WNK2: variants seen among roughly 807,000 people sequenced by gnomAD.
WNK2 encodes serine/threonine-protein kinase WNK2.
WNK2 carries 67 observed loss-of-function variants against 192.1 expected under a neutral mutation model. The observed-to-expected ratio is 0.35, with a 90% confidence interval of 0.29 to 0.43. WNK2 has a LOEUF of 0.43. Ranked by LOEUF, WNK2 falls within the 20% of genes least tolerant of loss-of-function variation. WNK2 has a pLI of 1.00. For synonymous variants in WNK2, 1,439 were observed against 1,393.9 expected, an observed-to-expected ratio of 1.03 and a Z score of -0.72; for missense variants, 2,698 against 3,089.7, an observed-to-expected ratio of 0.87 and a Z score of 3.01.
intron 18 of WNK2, 111 bp from the exon 19 acceptor site, chr9:93,268,516 G>A (rs1845523247): frequency 1.7e-5 from 26 of 1,491,918 alleles, no homozygotes; most frequent in Non-Finnish European, 2.3e-5. Context: ...TCCCATAGGT[G>A]TAAAGGAGTT....
At position 93,252,858 on chromosome 9, in the gene WNK2, T is replaced by C. The variant is rs1244239606; in HGVS notation, c.1835-25T>C. 17 of 1,394,780 alleles carry C rather than the reference T, an allele frequency of 1.2e-5. No homozygotes were observed. In the Admixed American group the frequency reaches 2.3e-4, roughly 19 times the overall value. 86.4% of individuals were successfully genotyped at this position (1,394,780 alleles called of 1,614,324 possible). On this transcript the variant is annotated intron_variant, in intron 8 of 29. Transcript: ENST00000427277. Reference sequence around the variant, plus strand: ...ATGTGACATTTGGAGATGTCCACTCTAAGTCCTGCTTTTGTCCTCCCCAGC... The same window carrying C: ...ATGTGACATTTGGAGATGTCCACTCCAAGTCCTGCTTTTGTCCTCCCCAGC...
Position 93,227,040 on chromosome 9 carries a change from G to T in WNK2, c.682-2656G>T, listed in dbSNP as rs150838879. ...TGCCAAGCCCTCCTCTGAGGGCTGC[G>T]CCACCTGAACTCCTGGTAGCAGTGT... On this transcript the variant is annotated intron_variant, in intron 2 of 29. Coordinates refer to ENST00000427277, the MANE Select transcript of WNK2 (RefSeq NM_006648.4). Among the ~76,000 whole-genome samples the T allele has an allele frequency of 2.6e-5, 4 of 152,046 alleles. No homozygotes were observed. In the East Asian group the frequency reaches 7.7e-4, roughly 29 times the overall value.
At chr9:93,248,376 G>A (rs1368542855) in intron 8 of WNK2, among the ~76,000 whole-genome samples, 1 of 152,242 alleles carries the variant, frequency 6.6e-6, no homozygotes. Flanking sequence ...CAAATGGGCC[G>A]TGAGCCAGCA....
At chr9:93,273,941 A>G (rs1846363533) in intron 19 of WNK2, among the ~76,000 whole-genome samples, 1 of 152,222 alleles carries the variant, frequency 6.6e-6, no homozygotes, top group Admixed American at 6.5e-5. Context: ...TGTGGGATGT[A>G]GTTAAAGCAG....
Position 93,268,600 on chromosome 9 carries a change from G to A in WNK2, c.3914-27G>A, listed in dbSNP as rs111788832. ...GCCTGGAAAGGCGCTCACTCACTCA[G>A]CGTGCTGTTTCTGTTCTGCCCTTCA... is the stretch of plus-strand genomic sequence containing the variant. On this transcript the variant is annotated intron_variant, in intron 18 of 29. Transcript: ENST00000427277. 1,766 of 1,597,296 alleles carry A rather than the reference G, an allele frequency of 1.1e-3. 3 individuals are homozygous for A. The highest frequency in any genetic ancestry group is 9.5e-4 in the Non-Finnish European group (1,114 of 1,172,544).
In WNK2 at chr9:93,247,401, C is replaced by G. The variant is rs1001116493; in HGVS notation, c.1543-142C>G. 2 of 1,032,338 alleles carry G rather than the reference C, an allele frequency of 1.9e-6. No individual in the cohort carries two copies. The highest frequency in any genetic ancestry group is 2.6e-5 in the East Asian group (1 of 38,094). 63.9% of individuals were successfully genotyped at this position (1,032,338 alleles called of 1,614,324 possible). On this transcript the variant is annotated intron_variant, in intron 7 of 29. Coordinates refer to ENST00000427277, the MANE Select transcript of WNK2 (RefSeq NM_006648.4). The surrounding 1 kb of genome is among the most constrained non-coding windows in gnomAD (Gnocchi z 5.2). The stretch of plus-strand genomic sequence containing the variant: ...TGCCATGCCATCTCTGAGCTGTCCC[C>G]GCGGATTTTACATTCAGTGGCAGTG...
At chr9:93,301,057 C>T (rs761568145) in intron 26 of WNK2, among the ~76,000 whole-genome samples, 2 of 152,346 alleles carry the variant, frequency 1.3e-5, no homozygotes, top group South Asian at 4.1e-4. Context: ...CCAGTCCCAG[C>T]CTTGCTCAGA....
At position 93,292,917 on chromosome 9, in the gene WNK2, C is replaced by A. The variant is rs746119270; in HGVS notation, c.5452C>A (p.Pro1818Thr). The A allele has an allele frequency of 6.6e-7, 1 of 1,525,176 alleles. No individual in the cohort carries two copies. The highest frequency in any genetic ancestry group is 8.8e-7 in the Non-Finnish European group (1 of 1,137,070). 94.5% of individuals were successfully genotyped at this position (1,525,176 alleles called of 1,614,324 possible). Residue 1818 changes from proline to threonine, a missense_variant, in exon 23 of 30, where the codon CCC becomes ACC. Pro to Thr is a conservative substitution (Grantham distance 38). This residue lies in a region of WNK2 where 1,098 missense variants were observed against 1,101.0 expected (regional missense o/e 1.00). Coordinates refer to ENST00000427277, the MANE Select transcript of WNK2 (RefSeq NM_006648.4). ...TGGGGACGAGGGCCCTCGGGCGAGA[C>A]CCCCGGTGCAGAAGCAGGCGTCCCT... ...DSGDEGPRAR[P>T]PVQKQASLPV...
intron 12 of WNK2, 41 bp from the exon 13 acceptor site, chr9:93,261,770 GGCA>G (rs1489042970): frequency 1.9e-6 from 3 of 1,549,446 alleles, no homozygotes; most frequent in Admixed American, 1.7e-5. Flanking sequence ...CCTCAGTGAA[GGCA>G]GCGCCGGCCC....
chr9:93,232,902 G>A (rs1284334632), intron 4 of WNK2, among the ~76,000 whole-genome samples: 8 of 117,226 alleles, frequency 6.8e-5, no homozygotes, highest in Non-Finnish European at 1.1e-4. Context: ...TGAAGCAGGA[G>A]AATTGCTTAA....
chr9:93,231,270 C>T (rs868657311), intron 4 of WNK2, among the ~76,000 whole-genome samples, 162 bp downstream of exon 4: 12 of 152,220 alleles, frequency 7.9e-5, no homozygotes, highest in African/African-American at 2.4e-4. Flanking sequence ...GCTACCCCAC[C>T]AAGCCTTTTG....
chr9:93,292,845 GCCT>G lies in WNK2; in HGVS notation c.5386_5388del (p.Ser1796del), dbSNP rs1420654150. 1.3e-6 allele frequency: 2 copies of G among 1,497,504 alleles called. No homozygotes were observed. Among genetic ancestry groups the G allele is most frequent in the South Asian group, 2.6e-5 (2 of 76,918 alleles). The allele number at this position is 1,497,504 out of a possible 1,614,324, so 92.8% of individuals were successfully genotyped here. On this transcript the variant is annotated inframe_deletion, in exon 23 of 30. Coordinates refer to ENST00000427277, the MANE Select transcript of WNK2 (RefSeq NM_006648.4). Reference sequence around the variant, plus strand: ...GCTGGCAGTGCGGCGGGCGCAGACGGCCTCCTCCATCGAGGTCGGCGTGGGCGA... The same window carrying G: ...GCTGGCAGTGCGGCGGGCGCAGACGGCCTCCATCGAGGTCGGCGTGGGCGA...
chr9:93,246,791 C>T (rs1010757849), intron 7 of WNK2, among the ~76,000 whole-genome samples: 8 of 152,216 alleles, frequency 5.3e-5, no homozygotes, highest in Non-Finnish European at 1.2e-4. Flanking sequence ...GACTGAGGTG[C>T]TCAGGAAGGG....
chr9:93,231,452 G>T (rs1356730958), intron 4 of WNK2, among the ~76,000 whole-genome samples: 3 of 152,342 alleles, frequency 2.0e-5, no homozygotes, highest in African/African-American at 7.2e-5. Flanking sequence ...TGATTGTCTA[G>T]CAGGGGAGGT....
In WNK2 at chr9:93,289,368, G is replaced by A. The variant is rs531755309; in HGVS notation, c.4614G>A (p.Pro1538=). The A allele has an allele frequency of 8.7e-6, 14 of 1,611,644 alleles. No homozygotes were observed. Among genetic ancestry groups the A allele is most frequent in the East Asian group, 2.2e-5 (1 of 44,834 alleles). The change falls in exon 20 of 30, where the codon CCG becomes CCA. Residue 1538 remains proline, a synonymous_variant. Transcript: ENST00000427277. ...PSALESDGEG[P]PPRVGFVDST... is the part of the protein sequence containing the mutation. ...CCCTGGAGTCGGATGGGGAAGGGCCGCCCCCCAGGGTGGGCTTTGTGGACA... is the reference window on the plus strand; with the variant it reads ...CCCTGGAGTCGGATGGGGAAGGGCCACCCCCCAGGGTGGGCTTTGTGGACA...
At position 93,292,696 on chromosome 9, in the gene WNK2, C is replaced by A; in HGVS notation, c.5231C>A (p.Thr1744Asn). 1 of 1,570,650 alleles carries A rather than the reference C, an allele frequency of 6.4e-7. No individual in the cohort carries two copies. The highest frequency in any genetic ancestry group is 8.6e-7 in the Non-Finnish European group (1 of 1,159,262). The change falls in exon 23 of 30, where the codon ACT becomes AAT. Residue 1744 changes from threonine (T) to asparagine (N), a missense_variant. Around this residue, in one of 7 missense-constraint regions of WNK2, gnomAD observed 1,098 missense variants for 1,101.0 expected, o/e 1.00. Transcript: ENST00000427277. Reference sequence around the variant, plus strand: ...CAGGATGTCAGCTCACCAGCCAAGACTGTGGGCCGTTTCTCGGTGGTCAGC... The same window carrying A: ...CAGGATGTCAGCTCACCAGCCAAGAATGTGGGCCGTTTCTCGGTGGTCAGC... ...EQQDVSSPAK[T>N]VGRFSVVSTQ...
intron 2 of WNK2, among the ~76,000 whole-genome samples, chr9:93,207,345 T>TG (rs1467468824): frequency 2.6e-5 from 4 of 152,082 alleles, no homozygotes; most frequent in Non-Finnish European, 5.9e-5. Flanking sequence ...AGATCTCTGG[T>TG]GGGGGGGCCT....
chr9:93,255,706 G>A (rs901060629), intron 9 of WNK2, among the ~76,000 whole-genome samples: 2 of 152,202 alleles, frequency 1.3e-5, no homozygotes, highest in Non-Finnish European at 2.9e-5. Context: ...CACTTCCCCT[G>A]TAAATGATTC....
chr9:93,239,669 G>C lies in WNK2; in HGVS notation c.1323-88G>C. On this transcript the variant is annotated intron_variant, in intron 6 of 29. Transcript: ENST00000427277. This position sits in a 1 kb window ranked among gnomAD's most constrained non-coding sequence, Gnocchi z 4.2. The stretch of plus-strand genomic sequence containing the variant: ...GCCTCAGGCTCCTGCAGGTGTGCCT[G>C]TCCTTGTCCTGGTGCGCATGGACAC... 8.1e-7 allele frequency: 1 copy of C among 1,230,566 alleles called. No individual in the cohort carries two copies. The highest frequency in any genetic ancestry group is 1.4e-5 in the South Asian group (1 of 69,836). The allele number at this position is 1,230,566 out of a possible 1,614,324, so 76.2% of individuals were successfully genotyped here. A position where few individuals can be genotyped will look rare whatever the true frequency, so the allele number is the denominator to read the frequency against.
Sources: gnomAD v4.1 joint callset for allele counts (sites outside exome capture counted in the v4.1 genomes callset) on GRCh38, gnomAD v4.1.1 for gene constraint, gnomAD v4.1.1 regional missense constraint, Gnocchi (gnomAD v3.1) non-coding constraint, MANE v1.5 for transcripts, NCBI Gene and HGNC (gene_info 2026-07-23, HGNC 2026-07-21) for gene names.